Variants in IL1RAPL2 observed in about 807,000 individuals in gnomAD.
IL1RAPL2 encodes X-linked interleukin-1 receptor accessory protein-like 2.
A neutral mutation model predicts 44.1 loss-of-function variants in IL1RAPL2; 3 were observed. The observed-to-expected ratio is 0.07, with a 90% confidence interval of 0.03 to 0.18. The LOEUF (loss-of-function observed/expected upper bound fraction) is 0.18, where lower values mean the gene tolerates loss of function less well. Ranked by LOEUF, IL1RAPL2 falls within the 10% of genes least tolerant of loss-of-function variation. The pLI, the probability that IL1RAPL2 is intolerant of heterozygous loss-of-function variation, is 1.00. For missense variants in IL1RAPL2, 391 were observed against 496.4 expected, an observed-to-expected ratio of 0.79 and a Z score of 2.02; for synonymous variants, 181 against 178.8, an observed-to-expected ratio of 1.01 and a Z score of -0.10.
chrX:104,663,741 G>C (rs948497969), intron 2 of IL1RAPL2, among the ~76,000 whole-genome samples: 1 of 104,949 alleles, frequency 9.5e-6, no homozygotes, highest in Non-Finnish European at 1.9e-5. Context: ...ACAATGTTTG[G>C]AGTATAAGAC....
chrX:104,771,308 G>C lies in IL1RAPL2; in HGVS notation c.82+112313G>C, dbSNP rs777307526. ...GATGTTGGGCAGAAGCCCAGTAGGG[G>C]GTGGCCCCAGTGTTATTTATTGTTT... On this transcript the variant is annotated intron_variant, in intron 2 of 10. Coordinates refer to ENST00000372582, the MANE Select transcript of IL1RAPL2 (RefSeq NM_017416.2). 1.6e-4 allele frequency among the ~76,000 whole-genome samples: 18 copies of C among 112,178 alleles called. No homozygotes were observed. In the South Asian group the frequency reaches 5.5e-3, roughly 35 times the overall value.
intron 2 of IL1RAPL2, among the ~76,000 whole-genome samples, chrX:105,094,787 T>C (rs1030835981): frequency 1.8e-5 from 2 of 111,887 alleles, no homozygotes; most frequent in African/African-American, 6.5e-5. Flanking sequence ...TATTGCCATC[T>C]TGACAACATT....
intron 1 of IL1RAPL2, among the ~76,000 whole-genome samples, chrX:104,622,714 A>T (rs1437115261): frequency 9.0e-6 from 1 of 111,033 alleles, no homozygotes; most frequent in East Asian, 2.8e-4. Flanking sequence ...CACAGGATAT[A>T]ACTGCAATTT....
rs770509430 is a variant in IL1RAPL2 at position 105,031,919 on chromosome X, C to T, written c.83-163556C>T. 2.7e-5 allele frequency among the ~76,000 whole-genome samples: 3 copies of T among 111,598 alleles called. No homozygotes were observed. The East Asian group carries it at 8.5e-4, about 32-fold the overall frequency. On this transcript the variant is annotated intron_variant, in intron 2 of 10. Transcript: ENST00000372582. ...CAATTTCGGAGCCTGTTATTGGTCT[C>T]TTCAGAGATTCAACTTCTTCCTGGT...
At chrX:105,030,329 G>A (rs775333683) in intron 2 of IL1RAPL2, among the ~76,000 whole-genome samples, 1,977 of 111,077 alleles carry the variant, frequency 0.018, 46 homozygotes, top group African/African-American at 0.059. Flanking sequence ...CCATGCCTAT[G>A]TCCTGAATGG....
intron 1 of IL1RAPL2, among the ~76,000 whole-genome samples, chrX:104,607,016 G>T (rs185407885): frequency 8.9e-6 from 1 of 111,887 alleles, no homozygotes; most frequent in Admixed American, 9.5e-5. Flanking sequence ...AATCAAAACA[G>T]CATGGTGCTG....
chrX:105,230,754 T>C (rs2034062617), intron 3 of IL1RAPL2, among the ~76,000 whole-genome samples: 1 of 111,379 alleles, frequency 9.0e-6, no homozygotes, highest in African/African-American at 3.3e-5. Context: ...GGAGCCACCA[T>C]AAACAGCTTC....
intron 2 of IL1RAPL2, among the ~76,000 whole-genome samples, chrX:105,117,447 A>G (rs920967295): frequency 8.9e-6 from 1 of 112,000 alleles, no homozygotes; most frequent in Non-Finnish European, 1.9e-5. Flanking sequence ...GTTGACACAG[A>G]CACTCAACAG....
At chrX:105,527,923 T>C (rs757907093) in intron 6 of IL1RAPL2, among the ~76,000 whole-genome samples, 28 of 111,729 alleles carry the variant, frequency 2.5e-4, no homozygotes, top group Non-Finnish European at 4.9e-4. Context: ...AAATGGAAAA[T>C]ATGCAGAACT....
chrX:104,905,166 T>C (rs1923949064), intron 2 of IL1RAPL2, among the ~76,000 whole-genome samples: 1 of 112,117 alleles, frequency 8.9e-6, no homozygotes, highest in African/African-American at 3.2e-5. Flanking sequence ...TTTTTTCTTG[T>C]AAATTTGTTG....
At chrX:105,315,578 G>GTATATATATATATATATATATATATA (rs771525814) in intron 5 of IL1RAPL2, among the ~76,000 whole-genome samples, 785 of 21,716 alleles carry the variant, frequency 0.036, 226 homozygotes, top group Non-Finnish European at 0.07. Flanking sequence ...ACTAATGGAT[G>GTATATATATATATATATATATATATA]TATATATATA....
chrX:105,331,748 T>C (rs1480938316), intron 5 of IL1RAPL2, among the ~76,000 whole-genome samples: 1 of 111,841 alleles, frequency 8.9e-6, no homozygotes, highest in Admixed American at 9.6e-5. Flanking sequence ...CTTTATAAAA[T>C]ATTTCCATTC....
intron 6 of IL1RAPL2, among the ~76,000 whole-genome samples, chrX:105,506,226 C>T (rs2036430009): frequency 9.0e-6 from 1 of 110,965 alleles, no homozygotes; most frequent in South Asian, 3.8e-4. Flanking sequence ...ATACCCTCTC[C>T]CCAAATGGTG....
chrX:104,919,377 G>A (rs1460421362), intron 2 of IL1RAPL2, among the ~76,000 whole-genome samples: 2 of 107,361 alleles, frequency 1.9e-5, no homozygotes, highest in Non-Finnish European at 3.8e-5. Flanking sequence ...AGGCATGTGC[G>A]ACCACACCTG....
intron 1 of IL1RAPL2, among the ~76,000 whole-genome samples, chrX:104,657,684 C>A (rs1044404212): frequency 9.0e-6 from 1 of 111,123 alleles, no homozygotes; most frequent in Non-Finnish European, 1.9e-5. Context: ...AGTGAACAGG[C>A]AACCTACAGA....
At chrX:105,449,651 G>A (rs2036004304) in intron 5 of IL1RAPL2, among the ~76,000 whole-genome samples, 1 of 110,244 alleles carries the variant, frequency 9.1e-6, no homozygotes, top group African/African-American at 3.3e-5. Flanking sequence ...GGAGGCTGAG[G>A]CAGGAGAATC....
chrX:104,973,351 C>A (rs1436234953), intron 2 of IL1RAPL2, among the ~76,000 whole-genome samples: 1 of 111,894 alleles, frequency 8.9e-6, no homozygotes, highest in East Asian at 2.8e-4. Context: ...CACTTAAAAA[C>A]CTTTTAAGCA....
At chrX:104,977,600 G>C (rs1391224850) in intron 2 of IL1RAPL2, among the ~76,000 whole-genome samples, 1 of 111,572 alleles carries the variant, frequency 9.0e-6, no homozygotes, top group Non-Finnish European at 1.9e-5. Flanking sequence ...CCCTTTGTTG[G>C]TCACCAGATA....
chrX:104,846,012 C>A (rs1188843077), intron 2 of IL1RAPL2, among the ~76,000 whole-genome samples: 1 of 111,021 alleles, frequency 9.0e-6, no homozygotes, highest in Non-Finnish European at 1.9e-5. Context: ...TACCTAGAGT[C>A]CATTATTAAG....
Sources: allele counts gnomAD v4.1 joint callset (sites outside exome capture counted in the v4.1 genomes callset), GRCh38; gene constraint gnomAD v4.1.1; transcripts MANE v1.5; gene names NCBI Gene and HGNC (gene_info 2026-07-23, HGNC 2026-07-21).